Variants in MALRD1 observed in about 807,000 individuals in gnomAD.
The protein encoded by MALRD1 is MAM and LDL-receptor class A domain-containing protein 1.
In MALRD1, 247 loss-of-function variants were observed where a neutral mutation model predicts 242.1. The ratio of observed to expected loss-of-function variants is 1.02; its 90% CI spans 0.92 to 1.13. The LOEUF is 1.13. MALRD1 is among the 50% of genes most tolerant of loss of function. MALRD1 has a pLI of 0.00. For synonymous variants in MALRD1, 995 were observed against 866.6 expected, an observed-to-expected ratio of 1.15 and a Z score of -2.60; for missense variants, 2,989 against 2,533.1, an observed-to-expected ratio of 1.18 and a Z score of -3.86.
chr10:19,573,986 G>A (rs1459329181), intron 33 of MALRD1, among the ~76,000 whole-genome samples: 1 of 152,118 alleles, frequency 6.6e-6, no homozygotes, highest in Non-Finnish European at 1.5e-5. Context: ...GTAAAGAAAA[G>A]AAATGTCATC....
At chr10:19,195,833 C>A (rs894688645) in intron 14 of MALRD1, among the ~76,000 whole-genome samples, 1 of 151,888 alleles carries the variant, frequency 6.6e-6, no homozygotes, top group Non-Finnish European at 1.5e-5. Flanking sequence ...AGTGTGTTCT[C>A]GGTGCTACCC....
At position 19,692,306 on chromosome 10, in the gene MALRD1, T is replaced by A; in HGVS notation, c.6162T>A (p.Asn2054Lys). 1 of 1,535,240 alleles carries A rather than the reference T, an allele frequency of 6.5e-7. No individual in the cohort carries two copies. Among genetic ancestry groups the A allele is most frequent in the Non-Finnish European group, 8.7e-7 (1 of 1,146,366 alleles). The change falls in exon 37 of 40, where the codon AAT becomes AAA. Residue 2054 changes from asparagine to lysine, a missense_variant. Coordinates refer to ENST00000454679, the MANE Select transcript of MALRD1 (RefSeq NM_001142308.3). ...GATGTAGACAAGGCTGGAAAGGAAA[T>A]CGATGCCATATCAAGTTTAATCCTC... is the stretch of plus-strand genomic sequence containing the variant. ...MCRCRQGWKG[N>K]RCHIKFNPPA...
chr10:19,128,213 T>C lies in MALRD1; in HGVS notation c.944-8T>C, dbSNP rs780012192. 34 of 1,233,130 alleles carry C rather than the reference T, an allele frequency of 2.8e-5. No individual in the cohort carries two copies. In the Middle Eastern group the frequency reaches 1.4e-3, roughly 53 times the overall value. The allele number at this position is 1,233,130 out of a possible 1,614,324, so 76.4% of individuals were successfully genotyped here. ...CCTAAATTGCTTCTTTTTTCTTTTA[T>C]CTTTCAGGTTATTATGTATGGGTAG... On this transcript the variant is annotated splice_region_variant and splice_polypyrimidine_tract_variant and intron_variant, in intron 7 of 39. Coordinates refer to ENST00000454679, the MANE Select transcript of MALRD1 (RefSeq NM_001142308.3).
intron 36 of MALRD1, among the ~76,000 whole-genome samples, chr10:19,647,269 C>T (rs1214595616): frequency 6.6e-6 from 1 of 152,166 alleles, no homozygotes; most frequent in Admixed American, 6.5e-5. Flanking sequence ...TTTCCAAACT[C>T]ATTGAATCTA....
At chr10:19,082,877 T>C (rs1225658753) in intron 2 of MALRD1, among the ~76,000 whole-genome samples, 1 of 152,002 alleles carries the variant, frequency 6.6e-6, no homozygotes, top group Non-Finnish European at 1.5e-5. Flanking sequence ...CTGAGTAGAT[T>C]ATAAACAATG....
At chr10:19,248,193 A>T (rs538965757) in intron 18 of MALRD1, among the ~76,000 whole-genome samples, 2 of 152,076 alleles carry the variant, frequency 1.3e-5, no homozygotes, top group Non-Finnish European at 2.9e-5. Flanking sequence ...AAAGTACTAC[A>T]TAATAACTAT....
At chr10:19,085,609 A>G (rs1835643435) in intron 2 of MALRD1, among the ~76,000 whole-genome samples, 1 of 151,958 alleles carries the variant, frequency 6.6e-6, no homozygotes, top group African/African-American at 2.4e-5. Flanking sequence ...GATAAAATAC[A>G]GAATAATTTA....
rs147995921 is a variant in MALRD1 at position 19,649,269 on chromosome 10, G to A, written c.6137+33346G>A. On this transcript the variant is annotated intron_variant, in intron 36 of 39. Transcript: ENST00000454679. ...TATACACCCAGTAATGAGATTGCTG[G>A]GTTGAATGGTAGTTCTGCTTTTAGC... Among the ~76,000 whole-genome samples the A allele has an allele frequency of 2.6e-3, 393 of 152,264 alleles. 6 individuals carry two copies. The East Asian group carries it at 0.058, about 22-fold the overall frequency.
chr10:19,701,726 CT>C (rs1161987898), intron 38 of MALRD1, among the ~76,000 whole-genome samples: 1 of 126,404 alleles, frequency 7.9e-6, no homozygotes, highest in African/African-American at 2.9e-5. Context: ...CTCCCCCTCC[CT>C]TTCCCCTTCC....
intron 29 of MALRD1, among the ~76,000 whole-genome samples, chr10:19,452,739 G>A (rs1387193708): frequency 1.3e-5 from 2 of 152,198 alleles, no homozygotes; most frequent in Non-Finnish European, 1.5e-5. Flanking sequence ...AGCTTAGAGT[G>A]TAAGTTACAC....
In MALRD1 at chr10:19,603,303, C is replaced by T. The variant is rs576010024; in HGVS notation, c.5945-4474C>T. Among the ~76,000 whole-genome samples the T allele has an allele frequency of 7.5e-4, 114 of 152,254 alleles. 1 individual carries two copies. The highest frequency in any genetic ancestry group is 2.7e-3 in the African/African-American group (111 of 41,556). Reference sequence around the variant, plus strand: ...TTCTGAATGGAATTGCCTAGGTTTTCTTCTAGGGTTTTTATGATTTTAGGT... The same window carrying T: ...TTCTGAATGGAATTGCCTAGGTTTTTTTCTAGGGTTTTTATGATTTTAGGT... On this transcript the variant is annotated intron_variant, in intron 34 of 39. Coordinates refer to ENST00000454679, the MANE Select transcript of MALRD1 (RefSeq NM_001142308.3).
chr10:19,658,470 A>G (rs544943838), intron 36 of MALRD1, among the ~76,000 whole-genome samples: 4 of 152,194 alleles, frequency 2.6e-5, no homozygotes, highest in Non-Finnish European at 4.4e-5. Context: ...TATCCCTGGT[A>G]GTCTAGTGGT....
chr10:19,465,395 A>T (rs531599742), intron 29 of MALRD1, among the ~76,000 whole-genome samples: 408 of 152,292 alleles, frequency 2.7e-3, no homozygotes, highest in Non-Finnish European at 4.5e-3. Context: ...AAACATATGT[A>T]AAAGTATGAC....
At chr10:19,555,134 T>C (rs1370357745) in intron 32 of MALRD1, among the ~76,000 whole-genome samples, 1 of 152,114 alleles carries the variant, frequency 6.6e-6, no homozygotes, top group Non-Finnish European at 1.5e-5. Flanking sequence ...TGAATTTCTT[T>C]AATGATCAGT....
intron 26 of MALRD1, among the ~76,000 whole-genome samples, chr10:19,377,639 A>AT (rs35032147): frequency 0.58 from 87,711 of 150,494 alleles, 25,590 homozygotes; most frequent in Middle Eastern, 0.64. Context: ...AGTCATAATT[A>AT]TTTTTTTTTC....
In MALRD1 at chr10:19,664,633, A is replaced by G. The variant is rs368303863; in HGVS notation, c.6138-27649A>G. Among the ~76,000 whole-genome samples, 34 of 151,962 alleles carry G rather than the reference A, an allele frequency of 2.2e-4. 1 individual carries two copies. Among genetic ancestry groups the G allele is most frequent in the African/African-American group, 7.5e-4 (31 of 41,518 alleles). Reference sequence around the variant, plus strand: ...ACGTCTAAGGAAGGAAAAAGATGTAACTCCTGTATTACTGATACAGTTTTT... The same window carrying G: ...ACGTCTAAGGAAGGAAAAAGATGTAGCTCCTGTATTACTGATACAGTTTTT... On this transcript the variant is annotated intron_variant, in intron 36 of 39. Coordinates refer to ENST00000454679, the MANE Select transcript of MALRD1 (RefSeq NM_001142308.3).
At chr10:19,352,382 A>G (rs1315415025) in intron 26 of MALRD1, 85 bp downstream of exon 26, 1 of 1,177,506 alleles carries the variant, frequency 8.5e-7, no homozygotes, top group African/African-American at 1.6e-5. Context: ...GAAATAGCAT[A>G]AACACCTAGT....
At chr10:19,475,212 G>C (rs111566145) in intron 29 of MALRD1, among the ~76,000 whole-genome samples, 3 of 152,116 alleles carry the variant, frequency 2.0e-5, no homozygotes, top group East Asian at 1.9e-4. Flanking sequence ...TCAGGAGATC[G>C]AGACCATGCT....
chr10:19,512,831 C>T (rs1014123454), intron 31 of MALRD1, among the ~76,000 whole-genome samples: 14 of 151,614 alleles, frequency 9.2e-5, no homozygotes, highest in African/African-American at 3.4e-4. Flanking sequence ...ATTTTTTTTT[C>T]ATAATTTAAG....
Sources: allele counts gnomAD v4.1 joint callset (sites outside exome capture counted in the v4.1 genomes callset), GRCh38; gene constraint gnomAD v4.1.1; transcripts MANE v1.5; gene names NCBI Gene and HGNC (gene_info 2026-07-23, HGNC 2026-07-21).